Variants in ZFP1 observed in about 807,000 individuals in gnomAD.
ZFP1 encodes the protein zinc finger protein 1 homolog.
In ZFP1, 32 loss-of-function variants were observed where a neutral mutation model predicts 38.5. The observed-to-expected ratio is 0.83, with a 90% CI of 0.63 to 1.12. ZFP1 has a LOEUF of 1.12. Among genes scored for constraint, ZFP1 ranks in the 50% most tolerant of loss-of-function variants. ZFP1 has a pLI of 0.00. For synonymous variants in ZFP1, 245 were observed against 168.8 expected (o/e 1.45, Z -3.50); for missense variants, 616 against 480.8 (o/e 1.28, Z -2.63).
At chr16:75,145,098 A>C (rs796091963), upstream of ZFP1, among the ~76,000 whole-genome samples, 5 of 152,254 alleles carry the variant, frequency 3.3e-5, no homozygotes, top group African/African-American at 1.2e-4. Flanking sequence ...GTATCCATTC[A>C]TCAGCTAATG....
upstream of ZFP1, among the ~76,000 whole-genome samples, chr16:75,147,953 T>G (rs1567518244): frequency 6.6e-6 from 1 of 152,202 alleles, no homozygotes; most frequent in African/African-American, 2.4e-5. Flanking sequence ...ATGCACATGT[T>G]AATTAGCTTG....
At chr16:75,139,587 G>C in the ZFP1 span, among the ~76,000 whole-genome samples, 1 of 152,108 alleles carries the variant, frequency 6.6e-6, no homozygotes, top group South Asian at 2.1e-4. Context: ...AGCTACTCAG[G>C]AGACTGAGGT....
intron 2 of ZFP1, among the ~76,000 whole-genome samples, chr16:75,164,809 GTTTT>G (rs35922943): frequency 3.8e-4 from 12 of 31,544 alleles, no homozygotes; most frequent in Admixed American, 7.6e-4. Flanking sequence ...GTTTCCATAA[GTTTT>G]TTTTTTTTTT....
chr16:75,165,457 C>T (rs2038018482), intron 2 of ZFP1, among the ~76,000 whole-genome samples: 1 of 151,988 alleles, frequency 6.6e-6, no homozygotes, highest in African/African-American at 2.4e-5. Flanking sequence ...TGCAGTGGGG[C>T]AGTCTGGGCT....
rs371379890 is a variant in ZFP1 at position 75,155,909 on chromosome 16, A to G, written c.15+2943A>G. On this transcript the variant is annotated intron_variant, in intron 2 of 3. Transcript: ENST00000570010. Reference sequence around the variant, plus strand: ...AATTAATATTGCCTTGGTTTGCATAATCTTTTGTCTAATTGGTGGAGGTTT... The same window carrying G: ...AATTAATATTGCCTTGGTTTGCATAGTCTTTTGTCTAATTGGTGGAGGTTT... Among the ~76,000 whole-genome samples the G allele has an allele frequency of 3.9e-5, 6 of 152,322 alleles. No individual in the cohort carries two copies. The East Asian group carries it at 9.6e-4, about 24-fold the overall frequency.
chr16:75,131,855 C>T, the ZFP1 span, among the ~76,000 whole-genome samples: 1 of 151,900 alleles, frequency 6.6e-6, no homozygotes, highest in African/African-American at 2.4e-5. Flanking sequence ...ATCTCAGCTA[C>T]TTGGGAGGCT....
At chr16:75,160,145 T>G (rs1448264863) in intron 2 of ZFP1, among the ~76,000 whole-genome samples, 1 of 152,226 alleles carries the variant, frequency 6.6e-6, no homozygotes, top group African/African-American at 2.4e-5. Context: ...TTAAGGCTTC[T>G]CTATGGCTTC....
rs2038359564 is a variant in ZFP1, at chr16:75,170,351, T to TA, written c.*18dup. On this transcript the variant is annotated 3_prime_UTR_variant, in exon 4 of 4. Coordinates refer to ENST00000570010, the MANE Select transcript of ZFP1 (RefSeq NM_153688.4). ...AAACCCTGAAACTCCAGCCAGGTCT[T>TA]ACTGTGGAAAACTCCTGCCAGAACT... 2 of 1,547,962 alleles carry TA rather than the reference T, an allele frequency of 1.3e-6. No homozygotes were observed. The highest frequency in any genetic ancestry group is 8.7e-7 in the Non-Finnish European group (1 of 1,148,048).
intron 1 of ZFP1, among the ~76,000 whole-genome samples, chr16:75,152,474 T>G (rs1010112277): frequency 1.3e-5 from 2 of 152,240 alleles, no homozygotes; most frequent in African/African-American, 4.8e-5. Flanking sequence ...ATGAACCTGC[T>G]GAAAGATCAA....
At chr16:75,162,259 A>T (rs930424644) in intron 2 of ZFP1, among the ~76,000 whole-genome samples, 1 of 151,516 alleles carries the variant, frequency 6.6e-6, no homozygotes, top group Non-Finnish European at 1.5e-5. Flanking sequence ...TGTAGCTGGG[A>T]CTACAGGCAG....
the ZFP1 span, among the ~76,000 whole-genome samples, chr16:75,137,944 G>C: frequency 6.7e-6 from 1 of 148,504 alleles, no homozygotes; most frequent in East Asian, 2.0e-4. Context: ...GGGGAAAAGA[G>C]ACAAGCCTCA....
chr16:75,163,129 G>C (rs1383289243), intron 2 of ZFP1, among the ~76,000 whole-genome samples: 1 of 151,336 alleles, frequency 6.6e-6, no homozygotes, highest in African/African-American at 2.4e-5. Context: ...GGTTGGTCTC[G>C]AACTCCTGAC....
the ZFP1 span, among the ~76,000 whole-genome samples, chr16:75,131,879 C>T: frequency 1.3e-5 from 2 of 151,750 alleles, no homozygotes; most frequent in African/African-American, 4.8e-5. Context: ...GTGGGAGGAT[C>T]GCTTGAACCC....
At position 75,148,559 on chromosome 16, in the gene ZFP1, G is replaced by C. The variant is rs1385031905; in HGVS notation, c.-128G>C. On this transcript the variant is annotated 5_prime_UTR_variant, in exon 1 of 4. Transcript: ENST00000570010. Reference sequence around the variant, plus strand: ...CACCACCAGCGGCGAGTGGGTGACAGAGCCCCCGTCTCCGCGCGTCTTCGC... The same window carrying C: ...CACCACCAGCGGCGAGTGGGTGACACAGCCCCCGTCTCCGCGCGTCTTCGC... The C allele has an allele frequency of 1.3e-5, 2 of 152,302 alleles. No homozygotes were observed. The highest frequency in any genetic ancestry group is 2.4e-5 in the African/African-American group (1 of 41,466). 9.4% of individuals were successfully genotyped at this position (152,302 alleles called of 1,614,324 possible).
chr16:75,162,056 A>T (rs1399453894), intron 2 of ZFP1, among the ~76,000 whole-genome samples: 1 of 151,516 alleles, frequency 6.6e-6, no homozygotes, highest in Admixed American at 6.6e-5. Context: ...AAGTGCTGGG[A>T]TCACAGGCGT....
chr16:75,161,311 TC>T (rs1271751752), intron 2 of ZFP1, among the ~76,000 whole-genome samples: 3 of 151,642 alleles, frequency 2.0e-5, no homozygotes, highest in Non-Finnish European at 2.9e-5. Context: ...ACAAGTGATC[TC>T]CCCGCCTCGG....
At chr16:75,158,521 A>T (rs1236626259) in intron 2 of ZFP1, among the ~76,000 whole-genome samples, 2 of 146,924 alleles carry the variant, frequency 1.4e-5, no homozygotes, top group African/African-American at 2.5e-5. Context: ...AATTTTTTTT[A>T]TTTTTTTTGT....
intron 2 of ZFP1, among the ~76,000 whole-genome samples, chr16:75,165,998 A>G (rs748011683): frequency 3.3e-5 from 5 of 152,226 alleles, no homozygotes; most frequent in Non-Finnish European, 5.9e-5. Flanking sequence ...TCAACCATGT[A>G]TTTTTTAAAA....
chr16:75,152,134 T>G (rs2037234929), intron 1 of ZFP1, among the ~76,000 whole-genome samples: 2 of 152,320 alleles, frequency 1.3e-5, no homozygotes, highest in Non-Finnish European at 2.9e-5. Context: ...CTTTGAAGAT[T>G]TTAACTTTGG....
Sources: allele counts gnomAD v4.1 joint callset (sites outside exome capture counted in the v4.1 genomes callset), GRCh38; gene constraint gnomAD v4.1.1; transcripts MANE v1.5; gene names NCBI Gene and HGNC (gene_info 2026-07-23, HGNC 2026-07-21).